The following FOXP1 variants were observed in gnomAD, a reference collection of about 807,000 sequenced individuals.
FOXP1 encodes the protein forkhead box protein P1.
Under a neutral mutation model 98.2 loss-of-function variants are expected in FOXP1, and 15 were observed. The observed-to-expected ratio is 0.15, with a 90% confidence interval of 0.10 to 0.24. The LOEUF is 0.24. FOXP1 is among the 10% of genes least tolerant of loss of function. The pLI is 1.00. For synonymous variants in FOXP1, 371 were observed against 314.5 expected (o/e 1.18, Z -1.90); for missense variants, 633 against 848.5 (o/e 0.75, Z 3.15).
chr3:71,568,244 T>C (rs549718702), intron 2 of FOXP1, among the ~76,000 whole-genome samples: 37 of 152,280 alleles, frequency 2.4e-4, no homozygotes, highest in Middle Eastern at 3.4e-3. Context: ...GGAGAAGGTA[T>C]GTGCTTCCTG....
At chr3:71,232,124 G>A (rs1186377217) in intron 5 of FOXP1, among the ~76,000 whole-genome samples, 5 of 152,178 alleles carry the variant, frequency 3.3e-5, no homozygotes, top group African/African-American at 1.2e-4. Flanking sequence ...GGGGCTAGGT[G>A]GCTTAGCAAA....
At chr3:71,287,422 G>T (rs774749342) in intron 5 of FOXP1, among the ~76,000 whole-genome samples, 1 of 152,086 alleles carries the variant, frequency 6.6e-6, no homozygotes, top group South Asian at 2.1e-4. Context: ...GCAGTCAGCC[G>T]AGACTGCACC....
chr3:71,576,887 A>T (rs1201819323), intron 2 of FOXP1, among the ~76,000 whole-genome samples: 1 of 152,194 alleles, frequency 6.6e-6, no homozygotes, highest in East Asian at 1.9e-4. Flanking sequence ...GCTAGATAGG[A>T]AACATTTTTT....
At chr3:71,374,430 T>C (rs1328534012) in intron 3 of FOXP1, among the ~76,000 whole-genome samples, 1 of 151,896 alleles carries the variant, frequency 6.6e-6, no homozygotes, top group East Asian at 1.9e-4. Flanking sequence ...CAGTTTGTAC[T>C]AAAAATACAA....
At chr3:71,505,065 A>C (rs528614066) in intron 2 of FOXP1, among the ~76,000 whole-genome samples, 13 of 152,328 alleles carry the variant, frequency 8.5e-5, no homozygotes, top group African/African-American at 3.1e-4. Context: ...CTGAAACCCA[A>C]GCCTCGTCCC....
intron 4 of FOXP1, among the ~76,000 whole-genome samples, chr3:71,350,633 A>G (rs1020716729): frequency 6.6e-6 from 1 of 152,160 alleles, no homozygotes; most frequent in Non-Finnish European, 1.5e-5. Flanking sequence ...CCCACTCTCA[A>G]GGTAGGAAAT....
intron 2 of FOXP1, chr3:71,571,333 C>T (rs2047326620): frequency 6.6e-6 from 1 of 152,184 alleles, no homozygotes; most frequent in Non-Finnish European, 1.5e-5. Context: ...GTGATACCGA[C>T]TTTAATAGCC....
At chr3:70,995,800 T>A (rs757351865) in intron 13 of FOXP1, among the ~76,000 whole-genome samples, 2 of 152,200 alleles carry the variant, frequency 1.3e-5, no homozygotes, top group Non-Finnish European at 2.9e-5. Context: ...AACAAGAGAA[T>A]GGAATTAACC....
At chr3:71,330,324 A>G (rs2076216735) in intron 4 of FOXP1, among the ~76,000 whole-genome samples, 2 of 152,352 alleles carry the variant, frequency 1.3e-5, no homozygotes, top group South Asian at 4.1e-4. Context: ...TATCAATATA[A>G]ACAATTCATT....
At chr3:71,036,151 T>C (rs771971552) in intron 11 of FOXP1, among the ~76,000 whole-genome samples, 10 of 152,132 alleles carry the variant, frequency 6.6e-5, no homozygotes, top group Non-Finnish European at 1.5e-4. Flanking sequence ...AAACTGTCTA[T>C]AAGTACACTA....
At chr3:71,150,307 G>A (rs928476550) in intron 6 of FOXP1, among the ~76,000 whole-genome samples, 2 of 152,030 alleles carry the variant, frequency 1.3e-5, no homozygotes, top group Non-Finnish European at 2.9e-5. Flanking sequence ...GGTTTAATAT[G>A]GTAAAATTAT....
intron 12 of FOXP1, among the ~76,000 whole-genome samples, chr3:71,001,321 G>A (rs2042098644): frequency 6.6e-6 from 1 of 152,172 alleles, no homozygotes; most frequent in Non-Finnish European, 1.5e-5. Context: ...ACATAAATAA[G>A]TAAGAAATTC....
At chr3:71,396,082 A>G (rs573098115) in intron 3 of FOXP1, among the ~76,000 whole-genome samples, 2 of 152,274 alleles carry the variant, frequency 1.3e-5, no homozygotes, top group East Asian at 1.9e-4. Context: ...CTTAAAGAAG[A>G]GCAGCTAGAG....
intron 4 of FOXP1, among the ~76,000 whole-genome samples, chr3:71,305,153 C>T (rs1456666063): frequency 2.0e-5 from 3 of 152,154 alleles, no homozygotes; most frequent in Non-Finnish European, 4.4e-5. Context: ...ACTGGATTAG[C>T]CCCTGAATAT....
At chr3:71,329,329 C>G (rs1019795448) in intron 4 of FOXP1, among the ~76,000 whole-genome samples, 1 of 152,018 alleles carries the variant, frequency 6.6e-6, no homozygotes, top group African/African-American at 2.4e-5. Context: ...TCACACCATT[C>G]TCCTGCCTCA....
At chr3:71,205,627 G>A (rs1265970192) in intron 5 of FOXP1, among the ~76,000 whole-genome samples, 1 of 152,140 alleles carries the variant, frequency 6.6e-6, no homozygotes, top group Non-Finnish European at 1.5e-5. Context: ...TGGAAGTGAG[G>A]AGTCGGGCCT....
chr3:71,475,903 GAAA>G (rs11329852), intron 3 of FOXP1, among the ~76,000 whole-genome samples: 6 of 135,604 alleles, frequency 4.4e-5, no homozygotes, highest in Admixed American at 7.3e-5. Context: ...CTCTTCAAGG[GAAA>G]AAAAAAAAAA....
At chr3:71,308,796 TGTGTGTGTGTGG>T (rs2074478713) in intron 4 of FOXP1, among the ~76,000 whole-genome samples, 3 of 120,334 alleles carry the variant, frequency 2.5e-5, no homozygotes, top group African/African-American at 6.0e-5. Flanking sequence ...TGTGTGTGTG[TGTGTGTGTGTGG>T]GTGAGGGGGG....
At chr3:71,327,740 A>G (rs550202061) in intron 4 of FOXP1, among the ~76,000 whole-genome samples, 2 of 152,240 alleles carry the variant, frequency 1.3e-5, no homozygotes, top group South Asian at 4.1e-4. Context: ...GGGTAGTTCA[A>G]TTCTATCACA....
Sources: allele counts gnomAD v4.1 joint callset (sites outside exome capture counted in the v4.1 genomes callset), GRCh38; gene constraint gnomAD v4.1.1; transcripts MANE v1.5; gene names NCBI Gene and HGNC (gene_info 2026-07-23, HGNC 2026-07-21).